Variants in CTNNAL1 observed in about 807,000 individuals in gnomAD.
CTNNAL1 encodes catenin alpha like 1.
CTNNAL1 carries 69 observed loss-of-function variants against 93.6 expected under a neutral mutation model. The ratio of observed to expected loss-of-function variants is 0.74; its 90% CI spans 0.61 to 0.90. The LOEUF is 0.90. Among genes scored for constraint, CTNNAL1 ranks in the 40% least tolerant of loss-of-function variants. The pLI is 0.00. For synonymous variants in CTNNAL1, 286 were observed against 305.4 expected (o/e 0.94, Z 0.66); for missense variants, 836 against 862.0 (o/e 0.97, Z 0.38).
chr9:108,999,230 A>G lies in CTNNAL1; in HGVS notation c.168T>C (p.Asp56=), dbSNP rs1416010436. The G allele has an allele frequency of 6.2e-7, 1 of 1,602,042 alleles. No individual in the cohort carries two copies. The highest frequency in any genetic ancestry group is 1.8e-5 in the Admixed American group (1 of 57,110). ...SQITTLINHK[D]NTKKSDKTLQ... The stretch of plus-strand genomic sequence containing the variant: ...GAGTTTTATCAGACTTTTTGGTATT[A>G]TCTTTATGATTAATAAGCGTGGTGA... The change falls in exon 2 of 19, where the codon GAT becomes GAC. Residue 56 remains aspartate, a synonymous_variant. Transcript: ENST00000325551.
chr9:108,972,888 T>C (rs1831159301), intron 8 of CTNNAL1, 55 bp from the exon 9 acceptor site: 12 of 1,463,626 alleles, frequency 8.2e-6, no homozygotes, highest in Non-Finnish European at 9.9e-6. Context: ...AGAAGGGTGA[T>C]GAAGGAAAGA....
chr9:108,970,568 A>G lies in CTNNAL1; in HGVS notation c.1348-74T>C, dbSNP rs1255354589. 7 of 1,295,044 alleles carry G rather than the reference A, an allele frequency of 5.4e-6. No homozygotes were observed. In the African/African-American group the frequency reaches 1.1e-4, roughly 20 times the overall value. The allele number at this position is 1,295,044 out of a possible 1,614,324, so 80.2% of individuals were successfully genotyped here. On this transcript the variant is annotated intron_variant, in intron 9 of 18. Transcript: ENST00000325551. ...CAATACATAGTATCATTTTATAATT[A>G]AAAAGAAAATTTTACAAATAAAATT...
At chr9:108,976,718 G>T (rs958436400) in intron 8 of CTNNAL1, among the ~76,000 whole-genome samples, 4 of 151,982 alleles carry the variant, frequency 2.6e-5, no homozygotes, top group African/African-American at 9.7e-5. Flanking sequence ...TTTTTGTAGA[G>T]ATGGGGTTTT....
chr9:108,962,671 T>C (rs1226565546), intron 11 of CTNNAL1, among the ~76,000 whole-genome samples: 1 of 152,126 alleles, frequency 6.6e-6, no homozygotes, highest in African/African-American at 2.4e-5. Flanking sequence ...TAGGAGAGAT[T>C]GAGATTAAGT....
chr9:108,972,868 G>GGGGCCCCCGGGT, intron 8 of CTNNAL1, 35 bp from the exon 9 acceptor site: 1 of 1,092,790 alleles, frequency 9.2e-7, no homozygotes, highest in African/African-American at 1.7e-5. Context: ...GGGTGGGAGG[G>GGGGCCCCCGGGT]TGGAGAAGGA....
chr9:108,950,540 A>C (rs998278941), intron 14 of CTNNAL1: 1 of 1,550,478 alleles, frequency 6.4e-7, no homozygotes, highest in South Asian at 1.2e-5. Context: ...AGAAGACGTC[A>C]TCAAGAGGAA....
intron 6 of CTNNAL1, among the ~76,000 whole-genome samples, chr9:108,981,025 G>C (rs1831411693): frequency 6.6e-6 from 1 of 152,200 alleles, no homozygotes; most frequent in Non-Finnish European, 1.5e-5. Flanking sequence ...GATAATCATG[G>C]ACAGTGAGAC....
intron 11 of CTNNAL1, among the ~76,000 whole-genome samples, chr9:108,957,121 T>C (rs2132104349): frequency 6.7e-6 from 1 of 148,838 alleles, no homozygotes; most frequent in East Asian, 1.9e-4. Context: ...TTAGAATTTT[T>C]TTTTTTTTTT....
chr9:108,990,667 C>T, intron 4 of CTNNAL1, 59 bp downstream of exon 4: 2 of 1,552,044 alleles, frequency 1.3e-6, no homozygotes, highest in East Asian at 2.3e-5. Flanking sequence ...GATCATACCT[C>T]CATCCAAACT....
chr9:108,958,342 T>C (rs1587951277), intron 11 of CTNNAL1, among the ~76,000 whole-genome samples: 1 of 152,184 alleles, frequency 6.6e-6, no homozygotes, highest in East Asian at 1.9e-4. Flanking sequence ...TATAAATAAA[T>C]GCATTGAGAA....
chr9:108,968,414 T>A (rs1385294734), intron 10 of CTNNAL1, among the ~76,000 whole-genome samples: 1 of 152,168 alleles, frequency 6.6e-6, no homozygotes, highest in Non-Finnish European at 1.5e-5. Flanking sequence ...ATTCCTAATA[T>A]CTCTGCTGCA....
chr9:108,968,295 G>A (rs555957842), intron 10 of CTNNAL1, among the ~76,000 whole-genome samples: 1 of 152,362 alleles, frequency 6.6e-6, no homozygotes, highest in African/African-American at 2.4e-5. Flanking sequence ...GAGGCAGATG[G>A]CAAAGACTAG....
At chr9:108,957,781 T>C (rs896283334) in intron 11 of CTNNAL1, among the ~76,000 whole-genome samples, 1 of 152,070 alleles carries the variant, frequency 6.6e-6, no homozygotes. Flanking sequence ...GTCCATAATA[T>C]CCTTTAAAAA....
chr9:108,952,844 G>T (rs1830601834), intron 12 of CTNNAL1, among the ~76,000 whole-genome samples: 1 of 152,030 alleles, frequency 6.6e-6, no homozygotes, highest in African/African-American at 2.4e-5. Flanking sequence ...AAACCTCCCT[G>T]GCTTCTCTGT....
In CTNNAL1 at chr9:108,977,050, TA is replaced by T. The variant is rs1409640764; in HGVS notation, c.1102-3del. On this transcript the variant is annotated splice_region_variant and splice_polypyrimidine_tract_variant and intron_variant, in intron 7 of 18. Transcript: ENST00000325551. ...GATGCTTTTTGTTTTCTTGCTTTGC[TA>T]AAAATTTTAAAAAGTATACATGTAA... The T allele has an allele frequency of 6.2e-6, 9 of 1,450,704 alleles. No homozygotes were observed. The African/African-American group carries it at 1.0e-4, about 16-fold the overall frequency. 89.9% of individuals were successfully genotyped at this position (1,450,704 alleles called of 1,614,324 possible). A position where few individuals can be genotyped will look rare whatever the true frequency, so the allele number is the denominator to read the frequency against.
intron 12 of CTNNAL1, among the ~76,000 whole-genome samples, chr9:108,953,468 A>C (rs1263667201): frequency 6.6e-6 from 1 of 152,124 alleles, no homozygotes; most frequent in Non-Finnish European, 1.5e-5. Flanking sequence ...CACACTCACA[A>C]ACACACATTG....
intron 6 of CTNNAL1, among the ~76,000 whole-genome samples, 191 bp from the exon 7 acceptor site, chr9:108,979,672 A>G (rs910665968): frequency 3.1e-4 from 47 of 152,368 alleles, no homozygotes; most frequent in African/African-American, 1.1e-3. Context: ...AAAGCCTTCA[A>G]TATCCATGCA....
Position 108,979,264 on chromosome 9 carries a change from T to A in CTNNAL1, c.1101+17A>T, listed in dbSNP as rs1231508414. Reference sequence around the variant, plus strand: ...CCATTATATAAGATTTACTTTGATTTTAAAAAAAGTTCTTACAGCTTGAAT... The same window carrying A: ...CCATTATATAAGATTTACTTTGATTATAAAAAAAGTTCTTACAGCTTGAAT... On this transcript the variant is annotated intron_variant, in intron 7 of 18. Transcript: ENST00000325551. The A allele has an allele frequency of 3.2e-5, 52 of 1,613,488 alleles. No individual in the cohort carries two copies. Among genetic ancestry groups the A allele is most frequent in the Non-Finnish European group, 4.3e-5 (51 of 1,179,874 alleles).
At chr9:108,948,092 T>A in intron 15 of CTNNAL1, 94 bp downstream of exon 15, 2 of 1,375,722 alleles carry the variant, frequency 1.5e-6, no homozygotes, top group Non-Finnish European at 2.0e-6. Flanking sequence ...GATGTAAGCA[T>A]ATACACATGA....
Sources: gnomAD v4.1 joint callset for allele counts (sites outside exome capture counted in the v4.1 genomes callset) on GRCh38, gnomAD v4.1.1 for gene constraint, MANE v1.5 for transcripts, NCBI Gene and HGNC (gene_info 2026-07-23, HGNC 2026-07-21) for gene names.